The following RBFOX1 variants were observed in gnomAD, a reference collection of about 807,000 sequenced individuals.
The protein encoded by RBFOX1 is RNA binding fox-1 homolog 1.
In RBFOX1, 8 loss-of-function variants were observed where a neutral mutation model predicts 57.7. The observed-to-expected ratio is 0.14, with a 90% CI of 0.08 to 0.25. The LOEUF (loss-of-function observed/expected upper bound fraction) is 0.25, where lower values mean the gene tolerates loss of function less well. RBFOX1 is among the 10% of genes least tolerant of loss of function. The pLI is 1.00. For synonymous variants in RBFOX1, 326 were observed against 222.4 expected, an observed-to-expected ratio of 1.47 and a Z score of -4.15; for missense variants, 611 against 548.5, an observed-to-expected ratio of 1.11 and a Z score of -1.14.
At chr16:7,197,622 C>T (rs1363466806) in intron 4 of RBFOX1, among the ~76,000 whole-genome samples, 1 of 152,104 alleles carries the variant, frequency 6.6e-6, no homozygotes, top group African/African-American at 2.4e-5. Context: ...AAAATGTGTA[C>T]AGAAATGTTC....
At chr16:7,515,174 C>T (rs539777927) in intron 4 of RBFOX1, among the ~76,000 whole-genome samples, 5 of 151,954 alleles carry the variant, frequency 3.3e-5, no homozygotes, top group Non-Finnish European at 5.9e-5. Flanking sequence ...GAAGTGGCAT[C>T]GCTATGAAAT....
chr16:6,750,384 G>A (rs1254355346), intron 3 of RBFOX1, among the ~76,000 whole-genome samples: 1 of 152,148 alleles, frequency 6.6e-6, no homozygotes, highest in African/African-American at 2.4e-5. Flanking sequence ...AATTGCAACT[G>A]GGCTTAAAAT....
chr16:6,344,510 G>C (rs2085060575), intron 2 of RBFOX1, among the ~76,000 whole-genome samples: 1 of 145,862 alleles, frequency 6.9e-6, no homozygotes, highest in African/African-American at 2.6e-5. Flanking sequence ...CCATTCTCCT[G>C]CCTCAGCCTC....
intron 2 of RBFOX1, among the ~76,000 whole-genome samples, chr16:6,501,730 C>T (rs989329268): frequency 2.6e-5 from 4 of 152,104 alleles, no homozygotes; most frequent in East Asian, 3.9e-4. Flanking sequence ...CTGTACTGGG[C>T]GCTGTGCTGG....
At chr16:6,333,080 C>T (rs752559669) in intron 2 of RBFOX1, among the ~76,000 whole-genome samples, 4 of 152,084 alleles carry the variant, frequency 2.6e-5, no homozygotes, top group African/African-American at 7.2e-5. Context: ...TGCTCTGCCA[C>T]CTAGGCTGGA....
intron 10 of RBFOX1, among the ~76,000 whole-genome samples, chr16:7,608,623 C>G (rs192304339): frequency 6.6e-6 from 1 of 152,224 alleles, no homozygotes; most frequent in East Asian, 1.9e-4. Context: ...CTACACAGCT[C>G]GGGTTCAAAT....
At chr16:7,203,151 A>T (rs746503111) in intron 4 of RBFOX1, among the ~76,000 whole-genome samples, 1 of 152,220 alleles carries the variant, frequency 6.6e-6, no homozygotes, top group Admixed American at 6.5e-5. Context: ...GTGTTTATCA[A>T]TGATGAACAG....
intron 5 of RBFOX1, among the ~76,000 whole-genome samples, chr16:7,550,496 A>G (rs1226343671): frequency 6.6e-6 from 1 of 152,124 alleles, no homozygotes; most frequent in Admixed American, 6.5e-5. Flanking sequence ...GCCTGGGGGC[A>G]CTGTATCAAT....
chr16:7,024,505 T>C (rs572933676), intron 3 of RBFOX1, among the ~76,000 whole-genome samples: 13 of 152,338 alleles, frequency 8.5e-5, no homozygotes, highest in Admixed American at 3.9e-4. Context: ...GCAGTAGTTA[T>C]AGGCCCTTGT....
At chr16:7,199,005 G>T (rs1192440258) in intron 4 of RBFOX1, among the ~76,000 whole-genome samples, 2 of 152,160 alleles carry the variant, frequency 1.3e-5, no homozygotes, top group African/African-American at 4.8e-5. Context: ...TAGAAAAGGA[G>T]ACAGCTCCAA....
chr16:7,360,745 G>C (rs1034456372), intron 4 of RBFOX1, among the ~76,000 whole-genome samples: 1 of 152,156 alleles, frequency 6.6e-6, no homozygotes, highest in African/African-American at 2.4e-5. Flanking sequence ...CACACACTGG[G>C]ATCTCTTTTT....
At chr16:6,917,189 T>A (rs1258119261) in intron 3 of RBFOX1, among the ~76,000 whole-genome samples, 2 of 152,134 alleles carry the variant, frequency 1.3e-5, no homozygotes, top group African/African-American at 4.8e-5. Context: ...TGAGTTTCTG[T>A]TCTTAATTTG....
intron 3 of RBFOX1, among the ~76,000 whole-genome samples, chr16:6,769,723 C>G (rs967526474): frequency 2.0e-5 from 3 of 152,144 alleles, no homozygotes; most frequent in African/African-American, 4.8e-5. Flanking sequence ...GTGGCTTGAT[C>G]TTGGCTGATA....
At chr16:5,703,077 A>G (rs938825762) in intron 3 of RBFOX1, among the ~76,000 whole-genome samples, 46 of 152,202 alleles carry the variant, frequency 3.0e-4, no homozygotes, top group Non-Finnish European at 5.9e-5. Context: ...GGCACTAAGA[A>G]GATGATGATG....
chr16:7,100,794 A>G (rs1489942268), intron 4 of RBFOX1, among the ~76,000 whole-genome samples: 2 of 152,198 alleles, frequency 1.3e-5, no homozygotes, highest in Non-Finnish European at 2.9e-5. Context: ...CACCCTCTCC[A>G]ATGTCAGATG....
chr16:7,662,110 T>C (rs1291825949), intron 12 of RBFOX1, among the ~76,000 whole-genome samples: 2 of 152,202 alleles, frequency 1.3e-5, no homozygotes, highest in Non-Finnish European at 2.9e-5. Context: ...ACCCATGCCA[T>C]GTGCCCCGTT....
At chr16:6,373,528 A>G (rs550463562) in intron 2 of RBFOX1, among the ~76,000 whole-genome samples, 21 of 151,784 alleles carry the variant, frequency 1.4e-4, no homozygotes, top group African/African-American at 5.1e-4. Context: ...GGATACAAGG[A>G]TAGTTCATTG....
intron 3 of RBFOX1, among the ~76,000 whole-genome samples, chr16:6,915,610 C>G (rs1052033050): frequency 6.8e-6 from 1 of 146,432 alleles, no homozygotes; most frequent in Non-Finnish European, 1.5e-5. Flanking sequence ...GAGTGCAGTG[C>G]CATGATCTCA....
At chr16:7,040,564 C>T (rs762197001) in intron 3 of RBFOX1, among the ~76,000 whole-genome samples, 5 of 138,034 alleles carry the variant, frequency 3.6e-5, no homozygotes, top group Non-Finnish European at 5.9e-5. Context: ...TCTGTCCCTT[C>T]TTCTCCACTA....
Sources: gnomAD v4.1 joint callset for allele counts (sites outside exome capture counted in the v4.1 genomes callset) on GRCh38, gnomAD v4.1.1 for gene constraint, MANE v1.5 for transcripts, NCBI Gene and HGNC (gene_info 2026-07-23, HGNC 2026-07-21) for gene names.